NOX4: variants seen among roughly 807,000 people sequenced by gnomAD.
The protein encoded by NOX4 is NADPH oxidase 4.
In NOX4, 69 loss-of-function variants were observed where a neutral mutation model predicts 87.6. That is an observed-to-expected ratio of 0.79 (90% CI 0.65 to 0.96). The LOEUF (loss-of-function observed/expected upper bound fraction) is 0.96. Among genes scored for constraint, NOX4 ranks in the 40% least tolerant of loss-of-function variants. The pLI, the probability that NOX4 is intolerant of heterozygous loss-of-function variation, is 0.00. For missense variants in NOX4, 680 were observed against 681.5 expected, an observed-to-expected ratio of 1.00 and a Z score of 0.02; for synonymous variants, 275 against 238.2, an observed-to-expected ratio of 1.15 and a Z score of -1.42.
In NOX4 at chr11:89,353,946, A is replaced by G. The variant is rs531306178; in HGVS notation, c.1217+1016T>C. On this transcript the variant is annotated intron_variant, in intron 13 of 17. Transcript: ENST00000263317. ...ATCAGGGGATTGCAAGTTTATTGCT[A>G]AAAATTAAGCCTGGATTAAAATTTG... 6.6e-4 allele frequency among the ~76,000 whole-genome samples: 100 copies of G among 152,316 alleles called. 2 individuals are homozygous for G. In the South Asian group the frequency reaches 0.019, roughly 29 times the overall value.
chr11:89,379,747 C>A (rs2135089041), intron 11 of NOX4, among the ~76,000 whole-genome samples: 1 of 152,258 alleles, frequency 6.6e-6, no homozygotes, highest in South Asian at 2.1e-4. Flanking sequence ...ACATTATATA[C>A]AATCCATGGA....
rs182606008 is a variant in NOX4 at position 89,397,787 on chromosome 11, G to T, written c.1074+2230C>A. Among the ~76,000 whole-genome samples the T allele has an allele frequency of 1.2e-3, 180 of 151,834 alleles. 1 individual carries two copies. Among genetic ancestry groups the T allele is most frequent in the African/African-American group, 3.9e-3 (161 of 41,430 alleles). On this transcript the variant is annotated intron_variant, in intron 11 of 17. Transcript: ENST00000263317. ...CAGGAAGAAGTTGAATCCCTGAAAA[G>T]ACCAATAACAGGCTCTGAAATTGAG...
Position 89,449,498 on chromosome 11 carries a change from C to A in NOX4, c.291G>T (p.Leu97Phe), listed in dbSNP as rs139341533. The A allele has an allele frequency of 3.2e-3, 5,158 of 1,611,924 alleles. 14 individuals are homozygous for A. The highest frequency in any genetic ancestry group is 3.9e-3 in the Non-Finnish European group (4,626 of 1,178,726). The change falls in exon 4 of 18, where the codon TTG becomes TTT. Residue 97 changes from leucine to phenylalanine, a missense_variant. By Grantham distance (22) the Leu-to-Phe change is conservative. Transcript: ENST00000263317. Reference protein sequence around the residue: ...QKVPSRRTRRLLDKSRTFHIT... With the variant: ...QKVPSRRTRRFLDKSRTFHIT... ...TATGGAATGTTCTGCTTTTATCCAA[C>A]AATCTCCTGGTTCTCCTGCTTGGAA...
chr11:89,426,443 C>A (rs898255194), intron 7 of NOX4, among the ~76,000 whole-genome samples: 1 of 151,842 alleles, frequency 6.6e-6, no homozygotes, highest in African/African-American at 2.4e-5. Context: ...ACCTGGGAAG[C>A]GCAAGGGGTC....
chr11:89,433,110 G>T (rs1348374205), intron 6 of NOX4, among the ~76,000 whole-genome samples: 1 of 152,024 alleles, frequency 6.6e-6, no homozygotes, highest in Non-Finnish European at 1.5e-5. Context: ...AAGTAAAAGT[G>T]ATCAGATCAG....
chr11:89,413,265 T>A (rs1942579730), intron 8 of NOX4, among the ~76,000 whole-genome samples: 1 of 152,070 alleles, frequency 6.6e-6, no homozygotes, highest in Non-Finnish European at 1.5e-5. Flanking sequence ...GGGAGAAAAG[T>A]TTGGAGGTTC....
chr11:89,586,733 T>C, the NOX4 span, among the ~76,000 whole-genome samples: 1 of 152,176 alleles, frequency 6.6e-6, no homozygotes, highest in Non-Finnish European at 1.5e-5. Context: ...CTTAAGAGAC[T>C]CTTTGCAGAT....
chr11:89,576,073 C>T, the NOX4 span, among the ~76,000 whole-genome samples: 738 of 152,308 alleles, frequency 4.8e-3, 6 homozygotes, highest in Admixed American at 8.2e-3. Flanking sequence ...AAATGATTAC[C>T]TTCTCTGCAG....
chr11:89,330,289 C>T (rs1565165380), intron 17 of NOX4, among the ~76,000 whole-genome samples: 3 of 151,956 alleles, frequency 2.0e-5, no homozygotes, highest in Non-Finnish European at 4.4e-5. Context: ...TTCAAGGTTG[C>T]AGTGAGTCTA....
In NOX4 at chr11:89,340,125, C is replaced by T. The variant is rs374648664; in HGVS notation, c.1384G>A (p.Val462Ile). The T allele has an allele frequency of 4.4e-6, 7 of 1,588,098 alleles. No individual in the cohort carries two copies. The Admixed American group carries it at 7.5e-5, about 17-fold the overall frequency. Reference protein sequence around the residue: ...YKLRRLYFIWVCRDIQSFRWF... With the variant: ...YKLRRLYFIWICRDIQSFRWF... Reference sequence around the variant, plus strand: ...CGGAAGGACTGGATATCTCTGCATACCCAAATAAAGTATAGTCTTCTAAGC... The same window carrying T: ...CGGAAGGACTGGATATCTCTGCATATCCAAATAAAGTATAGTCTTCTAAGC... The change falls in exon 15 of 18, where the codon GTA becomes ATA. Residue 462 changes from valine (V) to isoleucine (I), a missense_variant. By Grantham distance (29) the Val-to-Ile change is conservative. Transcript: ENST00000263317.
the NOX4 span, among the ~76,000 whole-genome samples, chr11:89,515,131 G>C: frequency 6.6e-6 from 1 of 151,962 alleles, no homozygotes; most frequent in Admixed American, 6.6e-5. Context: ...AAATATCCAG[G>C]AGTGCAATTG....
At chr11:89,588,950 TCA>T in the NOX4 span, among the ~76,000 whole-genome samples, 5 of 152,124 alleles carry the variant, frequency 3.3e-5, 1 homozygote, top group South Asian at 1.0e-3. Context: ...TCACCATCTC[TCA>T]GTTATCTTCC....
rs1435944238 is a variant in NOX4, at chr11:89,444,192, G to A, written c.390C>T (p.Phe130=). 4 of 1,613,622 alleles carry A rather than the reference G, an allele frequency of 2.5e-6. No homozygotes were observed. Among genetic ancestry groups the A allele is most frequent in the Non-Finnish European group, 2.5e-6 (3 of 1,179,718 alleles). ...VAAHLVNALN[F]SVNYSEDFVE... is the part of the protein sequence containing the mutation. ...CAAAGTCTTCACTGTAATTCACTGA[G>A]AAGTTGAGGGCATTCACCAGATGGG... The change falls in exon 5 of 18, where the codon TTC becomes TTT. Residue 130 remains phenylalanine (F), a synonymous_variant. Coordinates refer to ENST00000263317, the MANE Select transcript of NOX4 (RefSeq NM_016931.5).
At chr11:89,447,715 A>G (rs35679467) in intron 4 of NOX4, among the ~76,000 whole-genome samples, 1,755 of 152,254 alleles carry the variant, frequency 0.012, 26 homozygotes, top group Middle Eastern at 0.051. Context: ...ATAGTTTAGA[A>G]CAAATTGAGT....
At chr11:89,341,125 T>A (rs1945979737) in intron 14 of NOX4, among the ~76,000 whole-genome samples, 5 of 95,746 alleles carry the variant, frequency 5.2e-5, no homozygotes. Context: ...CAATTTCACC[T>A]TTTTTTTTTT....
chr11:89,479,823 C>T (rs543384600), intron 2 of NOX4, among the ~76,000 whole-genome samples: 6 of 152,206 alleles, frequency 3.9e-5, no homozygotes, highest in South Asian at 4.1e-4. Context: ...TCGCATTGCT[C>T]GGGTTTTATT....
Position 89,402,478 on chromosome 11 carries a change from T to A in NOX4, c.694A>T (p.Thr232Ser). The change falls in exon 9 of 18, where the codon ACC becomes TCC. Residue 232 changes from threonine (T) to serine (S), a missense_variant. Thr to Ser is a moderately conservative substitution (Grantham distance 58). Transcript: ENST00000263317. ...GGTAAGGAAATATTCTGAGAGCTGG[T>A]TCGGTTAAGACTGATGCAGCCGGGA... ...HPPGCISLNRTSSQNISLPEY... is the reference protein window; with the variant it reads ...HPPGCISLNRSSSQNISLPEY... The A allele has an allele frequency of 6.2e-7, 1 of 1,612,384 alleles. No homozygotes were observed. The highest frequency in any genetic ancestry group is 1.1e-5 in the South Asian group (1 of 90,780).
At chr11:89,545,191 G>T in the NOX4 span, 6 of 152,198 alleles carry the variant, frequency 3.9e-5, no homozygotes, top group African/African-American at 1.4e-4. Context: ...TTCAGCAAAA[G>T]GTCATCTTAT....
At chr11:89,522,053 G>A in the NOX4 span, among the ~76,000 whole-genome samples, 1 of 152,114 alleles carries the variant, frequency 6.6e-6, no homozygotes, top group Non-Finnish European at 1.5e-5. Context: ...GTCAAGAAAA[G>A]GGAAAGCTTA....
Sources: allele counts gnomAD v4.1 joint callset (sites outside exome capture counted in the v4.1 genomes callset), GRCh38; gene constraint gnomAD v4.1.1; transcripts MANE v1.5; gene names NCBI Gene and HGNC (gene_info 2026-07-23, HGNC 2026-07-21).